The following GRHL2 variants were observed in gnomAD, a reference collection of about 807,000 sequenced individuals.
GRHL2 encodes grainyhead-like protein 2 homolog.
GRHL2 carries 21 observed loss-of-function variants against 83.8 expected under a neutral mutation model. The ratio of observed to expected loss-of-function variants is 0.25; its 90% CI spans 0.18 to 0.36. The LOEUF (loss-of-function observed/expected upper bound fraction) is 0.36, where lower values mean the gene tolerates loss of function less well. Ranked by LOEUF, GRHL2 falls within the 10% of genes least tolerant of loss-of-function variation. GRHL2 has a pLI of 1.00. For synonymous variants in GRHL2, 280 were observed against 278.9 expected (o/e 1.00, Z -0.04); for missense variants, 623 against 781.8 (o/e 0.80, Z 2.42).
chr8:101,573,947 A>C, intron 6 of GRHL2, 123 bp downstream of exon 6: 1 of 1,137,996 alleles, frequency 8.8e-7, no homozygotes, highest in Non-Finnish European at 1.3e-6. Context: ...TCTAGAACGA[A>C]TGTCAGAGAG....
At chr8:101,502,501 G>C in intron 1 of GRHL2, among the ~76,000 whole-genome samples, 1 of 152,208 alleles carries the variant, frequency 6.6e-6, no homozygotes, top group East Asian at 1.9e-4. Context: ...GAAATCAATG[G>C]TTTAACTAGC....
intron 11 of GRHL2, 79 bp downstream of exon 11, chr8:101,632,444 G>A: frequency 9.1e-6 from 14 of 1,537,450 alleles, no homozygotes; most frequent in Non-Finnish European, 1.3e-5. Flanking sequence ...ATTTCAGACA[G>A]TGTTGACCTC....
intron 1 of GRHL2, among the ~76,000 whole-genome samples, chr8:101,503,949 G>T (rs1222454747): frequency 6.6e-6 from 1 of 152,130 alleles, no homozygotes. Flanking sequence ...CTATTGTGCT[G>T]ATGTGAGCTT....
chr8:101,492,493 A>C lies in GRHL2; in HGVS notation c.-277A>C. 1.7e-6 allele frequency: 1 copy of C among 574,448 alleles called. No homozygotes were observed. Among genetic ancestry groups the C allele is most frequent in the East Asian group, 3.0e-5 (1 of 33,696 alleles). 35.6% of individuals were successfully genotyped at this position (574,448 alleles called of 1,614,324 possible). ...GCCACTTTCTGCTCTGTGTCTGCCC[A>C]TTGCCACGATCCAGGAGGACTCCGC... On this transcript the variant is annotated 5_prime_UTR_variant, in exon 1 of 16. Transcript: ENST00000646743.
chr8:101,652,613 G>GTTTGTGTGGT (rs569391544), intron 14 of GRHL2, among the ~76,000 whole-genome samples: 1 of 123,702 alleles, frequency 8.1e-6, no homozygotes, highest in Non-Finnish European at 1.6e-5. Context: ...GTGTGTGTGT[G>GTTTGTGTGGT]GTGTGTGTGT....
At chr8:101,627,776 T>C (rs1813108495) in intron 9 of GRHL2, among the ~76,000 whole-genome samples, 1 of 152,068 alleles carries the variant, frequency 6.6e-6, no homozygotes, top group South Asian at 2.1e-4. Flanking sequence ...ACACAAATGA[T>C]AAGAAAGTGA....
At chr8:101,583,039 C>T (rs479690) in intron 7 of GRHL2, among the ~76,000 whole-genome samples, 115,077 of 152,088 alleles carry the variant, frequency 0.76, 46,638 homozygotes, top group Non-Finnish European at 0.89. Flanking sequence ...TGCTCATCAG[C>T]CCTCCCAGAA....
the GRHL2 span, among the ~76,000 whole-genome samples, chr8:101,679,406 C>T: frequency 1.3e-5 from 2 of 149,606 alleles, no homozygotes; most frequent in Non-Finnish European, 3.0e-5. Flanking sequence ...GCAAAGCCTC[C>T]AAGAAATATG....
At chr8:101,659,878 A>G (rs986312257) in intron 14 of GRHL2, among the ~76,000 whole-genome samples, 2 of 152,238 alleles carry the variant, frequency 1.3e-5, no homozygotes, top group Non-Finnish European at 2.9e-5. Context: ...TCATTTAGAC[A>G]GATACAATAT....
chr8:101,607,947 A>T (rs1801536604), intron 8 of GRHL2, among the ~76,000 whole-genome samples: 1 of 152,220 alleles, frequency 6.6e-6, no homozygotes, highest in Non-Finnish European at 1.5e-5. Flanking sequence ...TAGAATGTGA[A>T]GTATCCATGG....
chr8:101,531,726 G>A (rs757959458), intron 1 of GRHL2, among the ~76,000 whole-genome samples: 1 of 151,748 alleles, frequency 6.6e-6, no homozygotes, highest in Non-Finnish European at 1.5e-5. Context: ...TACCTTTCCT[G>A]TAGCTCTTTA....
downstream of GRHL2, among the ~76,000 whole-genome samples, chr8:101,671,392 C>T (rs943340820): frequency 5.3e-5 from 8 of 152,130 alleles, no homozygotes; most frequent in South Asian, 4.1e-4. Context: ...GGGTCCTACG[C>T]GCATGGAGTC....
intron 7 of GRHL2, among the ~76,000 whole-genome samples, chr8:101,579,960 A>C (rs908935580): frequency 7.2e-5 from 11 of 152,340 alleles, no homozygotes; most frequent in Admixed American, 7.2e-4. Flanking sequence ...GGCCTAAAAA[A>C]TAAAAAAGTA....
intron 14 of GRHL2, among the ~76,000 whole-genome samples, chr8:101,653,602 G>C (rs1813717865): frequency 2.0e-5 from 3 of 152,086 alleles, no homozygotes; most frequent in Admixed American, 1.3e-4. Flanking sequence ...AATTAGCTGA[G>C]TGTGCTGGCA....
At chr8:101,572,113 C>A (rs1308147453) in intron 5 of GRHL2, among the ~76,000 whole-genome samples, 2 of 152,172 alleles carry the variant, frequency 1.3e-5, no homozygotes, top group African/African-American at 4.8e-5. Flanking sequence ...CGTTTATGTT[C>A]ATAAGTGCCT....
chr8:101,632,268 G>C lies in GRHL2; in HGVS notation c.1388G>C (p.Ser463Thr). Residue 463 changes from serine to threonine, a missense_variant, in exon 11 of 16, where the codon AGT becomes ACT. Ser to Thr is a moderately conservative substitution (Grantham distance 58). This residue lies in a region of GRHL2 where 210 missense variants were observed against 254.8 expected (regional missense o/e 0.82). Coordinates refer to ENST00000646743, the MANE Select transcript of GRHL2 (RefSeq NM_024915.4). The stretch of plus-strand genomic sequence containing the variant: ...GCTGCCATACCTTTACAGAAGAAGA[G>C]TGACATCACCTACTTCAAAACCATG... Reference protein sequence around the residue: ...KLAAIPLQKKSDITYFKTMPD... With the variant: ...KLAAIPLQKKTDITYFKTMPD... 1 of 1,613,978 alleles carries C rather than the reference G, an allele frequency of 6.2e-7. No homozygotes were observed. The highest frequency in any genetic ancestry group is 2.2e-5 in the East Asian group (1 of 44,878).
intron 7 of GRHL2, among the ~76,000 whole-genome samples, chr8:101,583,587 G>T (rs968607707): frequency 6.6e-6 from 1 of 152,182 alleles, no homozygotes; most frequent in African/African-American, 2.4e-5. Context: ...CATAGAACAG[G>T]CTGGGAGTTT....
At chr8:101,506,032 C>A (rs924092984) in intron 1 of GRHL2, among the ~76,000 whole-genome samples, 1 of 152,146 alleles carries the variant, frequency 6.6e-6, no homozygotes, top group Non-Finnish European at 1.5e-5. Context: ...GTCATTGTAG[C>A]AAATAGTTCT....
intron 8 of GRHL2, among the ~76,000 whole-genome samples, chr8:101,617,446 G>A (rs1307367894): frequency 1.3e-5 from 2 of 152,156 alleles, no homozygotes; most frequent in Non-Finnish European, 2.9e-5. Context: ...TACAGGCTTT[G>A]GGTTTGAAAT....
Sources: gnomAD v4.1 joint callset for allele counts (sites outside exome capture counted in the v4.1 genomes callset) on GRCh38, gnomAD v4.1.1 for gene constraint, gnomAD v4.1.1 regional missense constraint, MANE v1.5 for transcripts, NCBI Gene and HGNC (gene_info 2026-07-23, HGNC 2026-07-21) for gene names.